Variants in KCNH7 observed in about 807,000 individuals in gnomAD.
KCNH7 encodes voltage-gated inwardly rectifying potassium channel KCNH7.
KCNH7 carries 49 observed loss-of-function variants against 120.8 expected under a neutral mutation model. The observed-to-expected ratio is 0.41, with a 90% CI of 0.32 to 0.51. KCNH7 has a LOEUF of 0.51. Ranked by LOEUF, KCNH7 falls within the 20% of genes least tolerant of loss-of-function variation. The pLI is 0.38. For missense variants in KCNH7, 1,097 were observed against 1,446.6 expected, an observed-to-expected ratio of 0.76 and a Z score of 3.92; for synonymous variants, 547 against 516.1, an observed-to-expected ratio of 1.06 and a Z score of -0.81.
At chr2:162,444,912 C>A (rs1416896263) in intron 7 of KCNH7, among the ~76,000 whole-genome samples, 1 of 151,366 alleles carries the variant, frequency 6.6e-6, no homozygotes, top group Non-Finnish European at 1.5e-5. Context: ...TCATTAGAGT[C>A]TCAAATTAGA....
At chr2:162,639,802 T>C (rs1440920396) in intron 2 of KCNH7, among the ~76,000 whole-genome samples, 2 of 152,068 alleles carry the variant, frequency 1.3e-5, no homozygotes, top group Non-Finnish European at 2.9e-5. Flanking sequence ...GTAGTACACA[T>C]GATTGATGGC....
intron 2 of KCNH7, among the ~76,000 whole-genome samples, chr2:162,617,364 A>G (rs1026934188): frequency 1.3e-5 from 2 of 152,158 alleles, no homozygotes; most frequent in Non-Finnish European, 2.9e-5. Context: ...CTGTAGTCCC[A>G]GCTACTCAGG....
intron 6 of KCNH7, among the ~76,000 whole-genome samples, chr2:162,449,290 G>A (rs1231623420): frequency 6.6e-6 from 1 of 151,896 alleles, no homozygotes; most frequent in African/African-American, 2.4e-5. Context: ...TTTTTAAAAG[G>A]AAAGACAATT....
At chr2:162,705,215 G>GT (rs1243841174) in intron 2 of KCNH7, among the ~76,000 whole-genome samples, 1 of 152,052 alleles carries the variant, frequency 6.6e-6, no homozygotes, top group Non-Finnish European at 1.5e-5. Flanking sequence ...TGCATATTCT[G>GT]TCATGGGGTT....
At chr2:162,469,918 G>C (rs535672243) in intron 6 of KCNH7, among the ~76,000 whole-genome samples, 1 of 152,178 alleles carries the variant, frequency 6.6e-6, no homozygotes, top group Non-Finnish European at 1.5e-5. Context: ...TGTCTTGGCC[G>C]GGCTGGTCTC....
chr2:162,729,188 C>A (rs1288412659), intron 2 of KCNH7, among the ~76,000 whole-genome samples: 2 of 113,932 alleles, frequency 1.8e-5, no homozygotes, highest in Non-Finnish European at 3.3e-5. Context: ...TTTTTTGAGA[C>A]AGAGTCTCGC....
chr2:162,688,608 G>A lies in KCNH7; in HGVS notation c.307+147929C>T, dbSNP rs1017543895. 4.6e-5 allele frequency among the ~76,000 whole-genome samples: 7 copies of A among 152,152 alleles called. No individual in the cohort carries two copies. In the East Asian group the frequency reaches 5.8e-4, roughly 13 times the overall value. On this transcript the variant is annotated intron_variant, in intron 2 of 15. Transcript: ENST00000332142. ...GGAATTCACACTGAACTTTGTCCTC[G>A]ATTCAAGCCACTGAATGACTCCTAG...
intron 2 of KCNH7, among the ~76,000 whole-genome samples, chr2:162,643,675 G>A (rs540622717): frequency 9.9e-5 from 15 of 151,660 alleles, no homozygotes; most frequent in Non-Finnish European, 1.9e-4. Context: ...GCATGGCGGC[G>A]CACACCTGTA....
At chr2:162,573,856 T>C (rs911758393) in intron 2 of KCNH7, among the ~76,000 whole-genome samples, 7 of 152,156 alleles carry the variant, frequency 4.6e-5, no homozygotes, top group African/African-American at 1.7e-4. Context: ...GCAGAGATAT[T>C]TGAATCACAG....
In KCNH7 at chr2:162,396,927, C is replaced by T. The variant is rs867527003; in HGVS notation, c.2426G>A (p.Gly809Glu). 1 of 1,607,046 alleles carries T rather than the reference C, an allele frequency of 6.2e-7. No individual in the cohort carries two copies. The highest frequency in any genetic ancestry group is 8.5e-7 in the Non-Finnish European group (1 of 1,175,252). Residue 809 changes from glycine (G) to glutamate (E), a missense_variant, in exon 11 of 16, where the codon GGA becomes GAA. By Grantham distance (98) the Gly-to-Glu change is moderately conservative. Transcript: ENST00000332142. Reference protein sequence around the residue: ...VAILGKNDIFGEMVHLYAKPG... With the variant: ...VAILGKNDIFEEMVHLYAKPG... Reference sequence around the variant, plus strand: ...TTTGGCATAAAGATGAACCATTTCTCCAAATATATCATTTTTTCCTAAGAA... The same window carrying T: ...TTTGGCATAAAGATGAACCATTTCTTCAAATATATCATTTTTTCCTAAGAA...
intron 2 of KCNH7, among the ~76,000 whole-genome samples, chr2:162,544,588 C>T (rs991609287): frequency 1.3e-5 from 2 of 152,086 alleles, no homozygotes; most frequent in African/African-American, 4.8e-5. Context: ...TTCATTAAGC[C>T]AAGACTCTGA....
At chr2:162,513,358 T>C (rs62188232) in intron 4 of KCNH7, among the ~76,000 whole-genome samples, 74 of 91,736 alleles carry the variant, frequency 8.1e-4, no homozygotes, top group African/African-American at 1.3e-3. Context: ...TCCCTCCTTC[T>C]TTCCTTCCTT....
intron 2 of KCNH7, among the ~76,000 whole-genome samples, chr2:162,736,065 T>C (rs1236131443): frequency 2.0e-5 from 3 of 151,976 alleles, no homozygotes; most frequent in African/African-American, 7.3e-5. Context: ...ATACATATAA[T>C]AAAAAATCAG....
chr2:162,672,512 AG>A (rs1372833615), intron 2 of KCNH7, among the ~76,000 whole-genome samples: 1 of 152,042 alleles, frequency 6.6e-6, no homozygotes, highest in Admixed American at 6.6e-5. Context: ...TAGTATTTAG[AG>A]GGAGTGTAAT....
chr2:162,744,630 T>TG (rs1227709693), intron 2 of KCNH7, among the ~76,000 whole-genome samples: 2 of 149,006 alleles, frequency 1.3e-5, no homozygotes, highest in Non-Finnish European at 3.0e-5. Flanking sequence ...TGGAATGCAG[T>TG]GGCGTGATCT....
Position 162,566,187 on chromosome 2 carries a change from G to A in KCNH7, c.308-29107C>T, listed in dbSNP as rs777463161. Among the ~76,000 whole-genome samples, 17 of 151,924 alleles carry A rather than the reference G, an allele frequency of 1.1e-4. 1 individual carries two copies. The highest frequency in any genetic ancestry group is 4.1e-4 in the African/African-American group (17 of 41,382). On this transcript the variant is annotated intron_variant, in intron 2 of 15. Coordinates refer to ENST00000332142, the MANE Select transcript of KCNH7 (RefSeq NM_033272.4). Reference sequence around the variant, plus strand: ...TCCTCCTCCTCAAAAAAAAGCATCTGTTGTTTATTATTCTGTGCTTCTCCT... The same window carrying A: ...TCCTCCTCCTCAAAAAAAAGCATCTATTGTTTATTATTCTGTGCTTCTCCT...
At chr2:162,736,183 T>C (rs140617652) in intron 2 of KCNH7, among the ~76,000 whole-genome samples, 3 of 152,200 alleles carry the variant, frequency 2.0e-5, no homozygotes, top group African/African-American at 4.8e-5. Flanking sequence ...AAGAGAAGGA[T>C]TGGCACACTG....
At chr2:162,778,748 T>C (rs749847558) in intron 2 of KCNH7, among the ~76,000 whole-genome samples, 1 of 152,212 alleles carries the variant, frequency 6.6e-6, no homozygotes, top group Non-Finnish European at 1.5e-5. Context: ...ATTTACCTCA[T>C]TATGAAACTG....
chr2:162,819,872 GTTTAT>G (rs1300662733), intron 2 of KCNH7, among the ~76,000 whole-genome samples: 4 of 151,882 alleles, frequency 2.6e-5, no homozygotes, highest in Admixed American at 1.3e-4. Flanking sequence ...TTTGGATTTT[GTTTAT>G]TTTGTTTTGG....
Sources: allele counts gnomAD v4.1 joint callset (sites outside exome capture counted in the v4.1 genomes callset), GRCh38; gene constraint gnomAD v4.1.1; transcripts MANE v1.5; gene names NCBI Gene and HGNC (gene_info 2026-07-23, HGNC 2026-07-21).